Variants in DYNC2I1 observed in about 807,000 individuals in gnomAD.
DYNC2I1 encodes dynein 2 intermediate chain 1, also known as cytoplasmic dynein 2 intermediate chain 1.
DYNC2I1 carries 89 observed loss-of-function variants against 133.4 expected under a neutral mutation model. That is an observed-to-expected ratio of 0.67 (90% CI 0.56 to 0.80). The LOEUF (loss-of-function observed/expected upper bound fraction) is 0.80. Among genes scored for constraint, DYNC2I1 ranks in the 30% least tolerant of loss-of-function variants. DYNC2I1 has a pLI of 0.00. For synonymous variants in DYNC2I1, 504 were observed against 484.3 expected, an observed-to-expected ratio of 1.04 and a Z score of -0.54; for missense variants, 1,291 against 1,314.5, an observed-to-expected ratio of 0.98 and a Z score of 0.28.
At chr7:158,916,295 C>T (rs1167141211) in intron 14 of DYNC2I1, among the ~76,000 whole-genome samples, 3 of 98,578 alleles carry the variant, frequency 3.0e-5, no homozygotes, top group African/African-American at 7.1e-5. Context: ...AACCTCGACA[C>T]GGTGGTTGAG....
intron 17 of DYNC2I1, among the ~76,000 whole-genome samples, chr7:158,925,284 T>A (rs1030673041): frequency 6.6e-6 from 1 of 152,198 alleles, no homozygotes; most frequent in African/African-American, 2.4e-5. Context: ...TTCTTCAGTT[T>A]CTTTCCTGAG....
intron 1 of DYNC2I1, among the ~76,000 whole-genome samples, chr7:158,862,573 G>T (rs941946312): frequency 9.1e-5 from 9 of 98,606 alleles, no homozygotes; most frequent in African/African-American, 3.8e-4. Flanking sequence ...AAAAAAAAAA[G>T]CCTGGGCATG....
In DYNC2I1 at chr7:158,887,036, A is replaced by G; in HGVS notation, c.951A>G (p.Leu317=). The change falls in exon 7 of 25, where the codon TTA becomes TTG. Residue 317 remains leucine (L), a synonymous_variant. Transcript: ENST00000407559. ...DGTSSQHAEN[L]VRNHGKDKDS... ...TGCTTTCCAGGCATGCTGAGAATTT[A>G]GTAAGGAATCATGGAAAAGATAAAG... 6.2e-7 allele frequency: 1 copy of G among 1,613,974 alleles called. No homozygotes were observed. The highest frequency in any genetic ancestry group is 8.5e-7 in the Non-Finnish European group (1 of 1,179,860).
chr7:158,956,152 A>T (rs996279981), intron 4 of DYNC2I1, among the ~76,000 whole-genome samples: 21 of 152,314 alleles, frequency 1.4e-4, no homozygotes, highest in African/African-American at 4.8e-4. Flanking sequence ...CGGCAGCTGT[A>T]GAGAGAGTTT....
chr7:158,945,571 C>G lies in DYNC2I1; in HGVS notation c.3003-10C>G. On this transcript the variant is annotated splice_polypyrimidine_tract_variant and intron_variant, in intron 24 of 24. Coordinates refer to ENST00000407559, the MANE Select transcript of DYNC2I1 (RefSeq NM_018051.5). The surrounding 1 kb of genome is among the most constrained non-coding windows in gnomAD (Gnocchi z 4.1). ...GCACTGACCCTCTGCTTCTGCCCCT[C>G]TCCCTGCAGGCTGGTGGCCATGGCT... is the stretch of plus-strand genomic sequence containing the variant. 2 of 1,597,128 alleles carry G rather than the reference C, an allele frequency of 1.3e-6. No individual in the cohort carries two copies. Among genetic ancestry groups the G allele is most frequent in the Non-Finnish European group, 1.7e-6 (2 of 1,172,518 alleles).
intron 1 of DYNC2I1, among the ~76,000 whole-genome samples, chr7:158,865,440 G>A (rs1406377799): frequency 6.6e-6 from 1 of 152,188 alleles, no homozygotes; most frequent in South Asian, 2.1e-4. Context: ...GATGTAAATC[G>A]AGCATAAATC....
intron 1 of DYNC2I1, among the ~76,000 whole-genome samples, chr7:158,858,516 T>C (rs1212302557): frequency 6.6e-6 from 1 of 152,228 alleles, no homozygotes; most frequent in Non-Finnish European, 1.5e-5. Context: ...CTATTTGCCC[T>C]GTTTTTTTAG....
chr7:158,914,176 A>C, intron 13 of DYNC2I1, 57 bp from the exon 14 acceptor site: 50 of 1,348,434 alleles, frequency 3.7e-5, no homozygotes, highest in Middle Eastern at 1.8e-4. Flanking sequence ...TAAGATGTGT[A>C]ATGCATGATT....
At chr7:158,870,511 G>T (rs1019713006) in intron 2 of DYNC2I1, among the ~76,000 whole-genome samples, 1 of 137,128 alleles carries the variant, frequency 7.3e-6, no homozygotes, top group South Asian at 2.4e-4. Flanking sequence ...GAACCACCAG[G>T]CTTGCTAATT....
At chr7:158,952,356 G>A (rs904023282) in intron 4 of DYNC2I1, among the ~76,000 whole-genome samples, 1 of 152,146 alleles carries the variant, frequency 6.6e-6, no homozygotes, top group Non-Finnish European at 1.5e-5. Flanking sequence ...GGAAAAAGTG[G>A]ACATCCCGCC....
At chr7:158,940,614 G>A (rs1186436532) in intron 23 of DYNC2I1, among the ~76,000 whole-genome samples, 1 of 152,110 alleles carries the variant, frequency 6.6e-6, no homozygotes, top group Non-Finnish European at 1.5e-5. Context: ...AAATTCAGAA[G>A]AATAGAAATC....
At chr7:158,873,265 A>T (rs935600122) in intron 3 of DYNC2I1, among the ~76,000 whole-genome samples, 1 of 152,228 alleles carries the variant, frequency 6.6e-6, no homozygotes, top group African/African-American at 2.4e-5. Flanking sequence ...AAACTAGCGC[A>T]TATAAATGCA....
At chr7:158,949,662 A>C (rs1338317782), downstream of DYNC2I1, among the ~76,000 whole-genome samples, 7 of 152,252 alleles carry the variant, frequency 4.6e-5, no homozygotes, top group Non-Finnish European at 1.0e-4. Flanking sequence ...GCTTCAGGGA[A>C]AGGAGCGGAA....
At chr7:158,947,124 C>T (rs562300247), downstream of DYNC2I1, among the ~76,000 whole-genome samples, 3 of 152,236 alleles carry the variant, frequency 2.0e-5, no homozygotes, top group Non-Finnish European at 4.4e-5. Flanking sequence ...CCTCATTCAA[C>T]AAATGGCTGG....
At chr7:158,917,057 C>G (rs13307982) in intron 14 of DYNC2I1, among the ~76,000 whole-genome samples, 4 of 12,794 alleles carry the variant, frequency 3.1e-4, no homozygotes, top group Admixed American at 1.3e-3. Context: ...CGTCGACACG[C>G]TGGTTGACAT....
intron 16 of DYNC2I1, among the ~76,000 whole-genome samples, chr7:158,923,032 C>T (rs1040141005): frequency 6.6e-6 from 1 of 152,140 alleles, no homozygotes; most frequent in African/African-American, 2.4e-5. Flanking sequence ...TGGAGGCCTC[C>T]CATTCACCGC....
intron 14 of DYNC2I1, among the ~76,000 whole-genome samples, chr7:158,915,129 G>A (rs953118028): frequency 4.0e-4 from 61 of 152,080 alleles, no homozygotes; most frequent in African/African-American, 1.1e-3. Flanking sequence ...ACCTTGACAC[G>A]CTGGTTGAGA....
At chr7:158,868,304 A>G (rs1248212177) in intron 1 of DYNC2I1, among the ~76,000 whole-genome samples, 1 of 152,184 alleles carries the variant, frequency 6.6e-6, no homozygotes, top group African/African-American at 2.4e-5. Flanking sequence ...CGGCACGCAC[A>G]GTGTGGATTC....
chr7:158,861,663 C>T (rs1841879889), intron 1 of DYNC2I1, among the ~76,000 whole-genome samples: 1 of 152,212 alleles, frequency 6.6e-6, no homozygotes, highest in Admixed American at 6.5e-5. Flanking sequence ...CTCTCATCTG[C>T]AAATACATGC....
Sources: gnomAD v4.1 joint callset for allele counts (sites outside exome capture counted in the v4.1 genomes callset) on GRCh38, gnomAD v4.1.1 for gene constraint, Gnocchi (gnomAD v3.1) non-coding constraint, MANE v1.5 for transcripts, NCBI Gene and HGNC (gene_info 2026-07-23, HGNC 2026-07-21) for gene names.